The following PTPRN2 variants were observed in gnomAD, a reference collection of about 807,000 sequenced individuals.
The protein encoded by PTPRN2 is protein tyrosine phosphatase receptor type N2, also known as receptor-type tyrosine-protein phosphatase N2.
PTPRN2 carries 74 observed loss-of-function variants against 118.8 expected under a neutral mutation model. That is an observed-to-expected ratio of 0.62 (90% confidence interval 0.52 to 0.76). PTPRN2 has a LOEUF of 0.76. Ranked by LOEUF, PTPRN2 falls within the 30% of genes least tolerant of loss-of-function variation. The pLI is 0.00. For missense variants in PTPRN2, 1,481 were observed against 1,394.4 expected, an observed-to-expected ratio of 1.06 and a Z score of -0.99; for synonymous variants, 641 against 608.0, an observed-to-expected ratio of 1.05 and a Z score of -0.80.
At chr7:158,261,819 G>A (rs968318658) in intron 3 of PTPRN2, among the ~76,000 whole-genome samples, 1 of 152,182 alleles carries the variant, frequency 6.6e-6, no homozygotes, top group African/African-American at 2.4e-5. Flanking sequence ...ACGATTTTAG[G>A]AAACCTGTGT....
At chr7:158,133,602 G>A in intron 9 of PTPRN2, 75 bp downstream of exon 9, 1 of 1,498,940 alleles carries the variant, frequency 6.7e-7, no homozygotes, top group East Asian at 2.3e-5. Flanking sequence ...CCACAGCAAG[G>A]AGGCGCCCCA....
chr7:158,196,287 T>C (rs1007036043), intron 4 of PTPRN2, among the ~76,000 whole-genome samples: 1 of 152,202 alleles, frequency 6.6e-6, no homozygotes, highest in Non-Finnish European at 1.5e-5. Context: ...GAACTCAAGC[T>C]GCCTTGGTTT....
intron 11 of PTPRN2, among the ~76,000 whole-genome samples, chr7:157,965,244 G>A (rs771609693): frequency 1.7e-4 from 26 of 152,208 alleles, no homozygotes; most frequent in East Asian, 1.2e-3. Flanking sequence ...ATTTCAAGAC[G>A]AACCCTTTTT....
chr7:158,055,103 T>C (rs1809685384), intron 11 of PTPRN2, among the ~76,000 whole-genome samples: 1 of 152,238 alleles, frequency 6.6e-6, no homozygotes, highest in Non-Finnish European at 1.5e-5. Context: ...ATAGATATGA[T>C]TATATATGAA....
chr7:157,757,781 C>T (rs1204563945), intron 12 of PTPRN2, among the ~76,000 whole-genome samples: 1 of 152,086 alleles, frequency 6.6e-6, no homozygotes, highest in Non-Finnish European at 1.5e-5. Context: ...TTGCTCAAAG[C>T]CCACTTGCTC....
chr7:158,337,589 T>A, intron 2 of PTPRN2, among the ~76,000 whole-genome samples: 1 of 137,808 alleles, frequency 7.3e-6, no homozygotes, highest in Non-Finnish European at 1.6e-5. Flanking sequence ...CCTGCAGACG[T>A]CACTCACACC....
chr7:157,981,351 G>A (rs371925360), intron 11 of PTPRN2, among the ~76,000 whole-genome samples: 78 of 148,550 alleles, frequency 5.3e-4, no homozygotes, highest in African/African-American at 1.8e-3. Context: ...TCCAGGACAG[G>A]TGAAACTGCT....
rs1827991892 is a variant in PTPRN2 at position 158,216,820 on chromosome 7, T to C, written c.278-11547A>G. Among the ~76,000 whole-genome samples, 7 of 152,262 alleles carry C rather than the reference T, an allele frequency of 4.6e-5. No homozygotes were observed. The South Asian group carries it at 1.4e-3, about 32-fold the overall frequency. On this transcript the variant is annotated intron_variant, in intron 3 of 22. Coordinates refer to ENST00000389418, the MANE Select transcript of PTPRN2 (RefSeq NM_002847.5). ...AGTATATGTTCTTTTCAATTGCTCA[T>C]AGAACACAAACCATGATAGACTTAA... is the stretch of plus-strand genomic sequence containing the variant.
intron 1 of PTPRN2, among the ~76,000 whole-genome samples, chr7:158,520,331 C>T (rs774205213): frequency 1.3e-4 from 20 of 152,316 alleles, no homozygotes; most frequent in Middle Eastern, 3.4e-3. Context: ...GTGAAATTCC[C>T]CCTTCAGCAA....
At chr7:158,245,942 T>C (rs770226021) in intron 3 of PTPRN2, among the ~76,000 whole-genome samples, 32 of 152,006 alleles carry the variant, frequency 2.1e-4, no homozygotes, top group Non-Finnish European at 4.4e-4. Context: ...GGAAAGCTGC[T>C]CTTACCCTAC....
At chr7:157,800,626 A>G (rs1185304165) in intron 12 of PTPRN2, among the ~76,000 whole-genome samples, 1 of 152,020 alleles carries the variant, frequency 6.6e-6, no homozygotes, top group Non-Finnish European at 1.5e-5. Context: ...TATTAGAGAA[A>G]GAAAGAGGTT....
intron 5 of PTPRN2, 100 bp from the exon 6 acceptor site, chr7:158,167,391 G>A (rs1823130960): frequency 1.4e-6 from 2 of 1,415,316 alleles, no homozygotes; most frequent in African/African-American, 2.9e-5. Flanking sequence ...GTCCTAAACA[G>A]CCCTGGGGGT....
At chr7:157,933,142 G>T (rs1799480449) in intron 11 of PTPRN2, among the ~76,000 whole-genome samples, 1 of 148,816 alleles carries the variant, frequency 6.7e-6, no homozygotes, top group Admixed American at 6.6e-5. Flanking sequence ...CAGTTTTAGA[G>T]GAGGGGTGAG....
intron 12 of PTPRN2, among the ~76,000 whole-genome samples, chr7:157,724,808 A>G (rs560418915): frequency 2.8e-4 from 43 of 152,334 alleles, no homozygotes; most frequent in Non-Finnish European, 5.9e-4. Flanking sequence ...ACTAAGTCCA[A>G]CCATCCTGAG....
At chr7:158,038,714 TATA>T (rs1335440245) in intron 11 of PTPRN2, among the ~76,000 whole-genome samples, 1 of 148,512 alleles carries the variant, frequency 6.7e-6, no homozygotes, top group Non-Finnish European at 1.5e-5. Flanking sequence ...ATTTATATTA[TATA>T]ATATGTAGTA....
At chr7:158,020,624 T>G (rs553435537) in intron 11 of PTPRN2, among the ~76,000 whole-genome samples, 1 of 152,188 alleles carries the variant, frequency 6.6e-6, no homozygotes, top group South Asian at 2.1e-4. Flanking sequence ...GCCCACCATG[T>G]TGGGGGTAAA....
intron 2 of PTPRN2, among the ~76,000 whole-genome samples, chr7:158,435,615 T>C (rs979126229): frequency 2.0e-5 from 3 of 152,354 alleles, no homozygotes; most frequent in East Asian, 1.9e-4. Flanking sequence ...AAAGAGATAC[T>C]TGCATTCCCA....
chr7:157,976,621 A>G (rs768855303), intron 11 of PTPRN2, among the ~76,000 whole-genome samples: 8 of 151,732 alleles, frequency 5.3e-5, no homozygotes, highest in Middle Eastern at 3.2e-3. Flanking sequence ...GGGGCCTCCA[A>G]GATCGCAAAC....
chr7:158,314,511 G>A (rs1051402726), intron 3 of PTPRN2, among the ~76,000 whole-genome samples: 1 of 152,250 alleles, frequency 6.6e-6, no homozygotes, highest in Non-Finnish European at 1.5e-5. Flanking sequence ...GCCTGGCACT[G>A]GCCTGCGCAC....
Sources: gnomAD v4.1 joint callset for allele counts (sites outside exome capture counted in the v4.1 genomes callset) on GRCh38, gnomAD v4.1.1 for gene constraint, MANE v1.5 for transcripts, NCBI Gene and HGNC (gene_info 2026-07-23, HGNC 2026-07-21) for gene names.